Variants in PARD3 observed in about 807,000 individuals in gnomAD.
The protein encoded by PARD3 is par-3 family cell polarity regulator.
In PARD3, 75 loss-of-function variants were observed where a neutral mutation model predicts 155.4. The ratio of observed to expected loss-of-function variants is 0.48; its 90% confidence interval spans 0.40 to 0.58. The LOEUF (loss-of-function observed/expected upper bound fraction) is 0.58, where lower values mean the gene tolerates loss of function less well. Ranked by LOEUF, PARD3 falls within the 20% of genes least tolerant of loss-of-function variation. The probability of loss-of-function intolerance (pLI) is 0.00; values close to 1 mark genes in which losing one functional copy is unlikely to be tolerated. For missense variants in PARD3, 1,642 were observed against 1,721.7 expected (o/e 0.95, Z 0.82); for synonymous variants, 576 against 610.5 (o/e 0.94, Z 0.83).
intron 1 of PARD3, among the ~76,000 whole-genome samples, chr10:34,769,807 A>C (rs1838629938): frequency 6.6e-6 from 1 of 150,684 alleles, no homozygotes; most frequent in African/African-American, 2.4e-5. Flanking sequence ...AACAAAACAA[A>C]AAAAAAAACA....
At chr10:34,295,344 T>G (rs1183760200) in intron 20 of PARD3, among the ~76,000 whole-genome samples, 1 of 152,216 alleles carries the variant, frequency 6.6e-6, no homozygotes, top group East Asian at 1.9e-4. Flanking sequence ...CTTCCTTATT[T>G]GACCAAATAG....
At chr10:34,330,503 G>GA (rs535978129) in intron 19 of PARD3, among the ~76,000 whole-genome samples, 35 of 146,776 alleles carry the variant, frequency 2.4e-4, no homozygotes, top group South Asian at 2.4e-3. Context: ...AGCAAAAAAA[G>GA]AAAAAAAAAA....
chr10:34,253,667 T>A (rs182283329), intron 22 of PARD3, among the ~76,000 whole-genome samples: 1 of 152,056 alleles, frequency 6.6e-6, no homozygotes, highest in Non-Finnish European at 1.5e-5. Flanking sequence ...TGAAATATCA[T>A]AGAAAGTTTC....
rs149151179 is a variant in PARD3, at chr10:34,748,987, T to C, written c.121-52568A>G. Among the ~76,000 whole-genome samples, 4 of 152,350 alleles carry C rather than the reference T, an allele frequency of 2.6e-5. No individual in the cohort carries two copies. The East Asian group carries it at 7.7e-4, about 29-fold the overall frequency. The stretch of plus-strand genomic sequence containing the variant: ...ATCTTCCTTATCTTTGTAGCACCTG[T>C]CAGACCTGATGCACAACTGGCTGTT... On this transcript the variant is annotated intron_variant, in intron 1 of 24. Transcript: ENST00000374788.
intron 20 of PARD3, among the ~76,000 whole-genome samples, chr10:34,290,425 G>T (rs1397264140): frequency 1.3e-5 from 2 of 152,204 alleles, no homozygotes; most frequent in Admixed American, 6.5e-5. Flanking sequence ...AGGTCTTCAT[G>T]TCTAAGAAGT....
At chr10:34,288,223 C>G (rs1369933890) in intron 20 of PARD3, among the ~76,000 whole-genome samples, 1 of 152,008 alleles carries the variant, frequency 6.6e-6, no homozygotes, top group Non-Finnish European at 1.5e-5. Flanking sequence ...AAAAAGAATA[C>G]AGATTCAAGA....
chr10:34,779,979 C>T (rs191851376), intron 1 of PARD3, among the ~76,000 whole-genome samples: 394 of 152,296 alleles, frequency 2.6e-3, no homozygotes, highest in Non-Finnish European at 4.7e-3. Flanking sequence ...AGTAATGCCA[C>T]CGAGTGGCAC....
intron 5 of PARD3, among the ~76,000 whole-genome samples, chr10:34,421,485 T>A (rs1399847315): frequency 6.6e-6 from 1 of 152,042 alleles, no homozygotes; most frequent in Non-Finnish European, 1.5e-5. Flanking sequence ...CATCCATGTT[T>A]TTTTTTCATT....
chr10:34,623,171 C>T (rs533865629), intron 2 of PARD3, among the ~76,000 whole-genome samples: 58 of 152,184 alleles, frequency 3.8e-4, no homozygotes, highest in African/African-American at 1.0e-3. Context: ...CTTCGACAGT[C>T]GAAAGTGAAA....
chr10:34,684,859 GTA>G lies in PARD3; in HGVS notation c.222+11457_222+11458del, dbSNP rs1183203806. ...TATACACACACACATATATATACATGTATATATATACACACACATACACACAC... is the reference window on the plus strand; with the variant it reads ...TATACACACACACATATATATACATGTATATATACACACACATACACACAC... On this transcript the variant is annotated intron_variant, in intron 2 of 24. Coordinates refer to ENST00000374788, the MANE Select transcript of PARD3 (RefSeq NM_001184785.2). Among the ~76,000 whole-genome samples the G allele has an allele frequency of 3.6e-3, 201 of 55,560 alleles. 2 individuals are homozygous for G. The highest frequency in any genetic ancestry group is 0.012 in the African/African-American group (188 of 16,176). 36.4% of individuals were successfully genotyped at this position (55,560 alleles called of 152,430 possible).
At chr10:34,278,446 T>C (rs766159746) in intron 21 of PARD3, among the ~76,000 whole-genome samples, 2 of 152,232 alleles carry the variant, frequency 1.3e-5, no homozygotes, top group Non-Finnish European at 2.9e-5. Flanking sequence ...ATGGTTTGGC[T>C]GTGTTCCCAC....
intron 1 of PARD3, among the ~76,000 whole-genome samples, chr10:34,750,165 G>A (rs981024744): frequency 3.3e-5 from 5 of 151,466 alleles, no homozygotes; most frequent in African/African-American, 1.2e-4. Flanking sequence ...CATAAGCTTG[G>A]AAAATAAAAG....
chr10:34,478,487 G>A (rs944970341), intron 3 of PARD3, among the ~76,000 whole-genome samples: 29 of 152,210 alleles, frequency 1.9e-4, no homozygotes, highest in Non-Finnish European at 3.5e-4. Flanking sequence ...TGTTTTCAAT[G>A]GTTGCACTGA....
At chr10:34,270,043 C>T (rs1955538755) in intron 21 of PARD3, 144 bp from the exon 22 acceptor site, 4 of 770,456 alleles carry the variant, frequency 5.2e-6, no homozygotes, top group Non-Finnish European at 8.2e-6. Context: ...ACAGGTCATA[C>T]ACATTCTAGA....
chr10:34,643,177 C>T (rs2092731783), intron 2 of PARD3, among the ~76,000 whole-genome samples: 3 of 152,250 alleles, frequency 2.0e-5, no homozygotes, highest in African/African-American at 7.2e-5. Context: ...TCAGCGTCTG[C>T]TGGCTGGAGG....
chr10:34,726,144 G>A (rs1173618211), intron 1 of PARD3, among the ~76,000 whole-genome samples: 1 of 152,124 alleles, frequency 6.6e-6, no homozygotes, highest in African/African-American at 2.4e-5. Flanking sequence ...AGAACAAATC[G>A]AGTTCATGTT....
chr10:34,592,680 G>A lies in PARD3; in HGVS notation c.223-75521C>T, dbSNP rs2088826602. 2.6e-5 allele frequency among the ~76,000 whole-genome samples: 4 copies of A among 152,200 alleles called. No individual in the cohort carries two copies. In the South Asian group the frequency reaches 8.3e-4, roughly 32 times the overall value. On this transcript the variant is annotated intron_variant, in intron 2 of 24. Transcript: ENST00000374788. The stretch of plus-strand genomic sequence containing the variant: ...AGTCCCAGCTACTCCAGAGGCTAAG[G>A]CAGGAGAATTGCTTGAACCCGGAGT...
chr10:34,583,036 A>G (rs980198632), intron 2 of PARD3, among the ~76,000 whole-genome samples: 3 of 152,200 alleles, frequency 2.0e-5, no homozygotes, highest in African/African-American at 7.2e-5. Flanking sequence ...TGGACTGCCA[A>G]CTGCTTGACT....
chr10:34,374,808 G>A, intron 11 of PARD3, 66 bp downstream of exon 11: 1 of 1,485,138 alleles, frequency 6.7e-7, no homozygotes, highest in South Asian at 1.2e-5. Context: ...TTTGCCATCA[G>A]GCAACTAACC....
Sources: allele counts gnomAD v4.1 joint callset (sites outside exome capture counted in the v4.1 genomes callset), GRCh38; gene constraint gnomAD v4.1.1; transcripts MANE v1.5; gene names NCBI Gene and HGNC (gene_info 2026-07-23, HGNC 2026-07-21).